The following NCAM2 variants were observed in gnomAD, a reference collection of about 807,000 sequenced individuals.
NCAM2 encodes neural cell adhesion molecule 2, also known as N-CAM-2.
A neutral mutation model predicts 98.1 loss-of-function variants in NCAM2; 30 were observed. The observed-to-expected ratio is 0.31, with a 90% CI of 0.23 to 0.41. The LOEUF is 0.41. Among genes scored for constraint, NCAM2 ranks in the 10% least tolerant of loss-of-function variants. The pLI is 1.00. For missense variants in NCAM2, 867 were observed against 1,005.8 expected (o/e 0.86, Z 1.87); for synonymous variants, 368 against 342.4 (o/e 1.07, Z -0.83).
chr21:21,051,314 T>A, intron 1 of NCAM2, among the ~76,000 whole-genome samples: 1 of 152,190 alleles, frequency 6.6e-6, no homozygotes, highest in East Asian at 1.9e-4. Flanking sequence ...TGACTTCTCC[T>A]TCCCAATTCT....
At chr21:21,051,777 C>A (rs555581370) in intron 1 of NCAM2, among the ~76,000 whole-genome samples, 7 of 152,230 alleles carry the variant, frequency 4.6e-5, no homozygotes, top group Middle Eastern at 3.4e-3. Context: ...GAGTCTCATA[C>A]AATTGTAGGA....
intron 8 of NCAM2, among the ~76,000 whole-genome samples, chr21:21,367,976 C>G (rs1017334677): frequency 6.6e-6 from 1 of 151,904 alleles, no homozygotes; most frequent in East Asian, 1.9e-4. Flanking sequence ...ATTTTGACAA[C>G]TGTCTGTTGG....
chr21:21,168,937 G>A (rs2068038350), intron 1 of NCAM2, among the ~76,000 whole-genome samples: 1 of 152,060 alleles, frequency 6.6e-6, no homozygotes, highest in Non-Finnish European at 1.5e-5. Flanking sequence ...ATCAAGAAAT[G>A]GATAGCTAAA....
At chr21:21,425,356 A>G (rs1472785878) in intron 11 of NCAM2, among the ~76,000 whole-genome samples, 1 of 152,116 alleles carries the variant, frequency 6.6e-6, no homozygotes, top group Non-Finnish European at 1.5e-5. Flanking sequence ...CACTCTTCAA[A>G]ATTTTTTTCT....
At chr21:21,019,214 G>A (rs2146177247) in intron 1 of NCAM2, among the ~76,000 whole-genome samples, 1 of 152,330 alleles carries the variant, frequency 6.6e-6, no homozygotes, top group Admixed American at 6.5e-5. Flanking sequence ...CATGCTCAGT[G>A]AAGCCTCGCT....
chr21:21,306,482 T>A (rs2073883282), intron 5 of NCAM2, among the ~76,000 whole-genome samples: 2 of 152,182 alleles, frequency 1.3e-5, no homozygotes, highest in Admixed American at 1.3e-4. Context: ...GTTAGCAATA[T>A]AGCTACCCCA....
intron 1 of NCAM2, among the ~76,000 whole-genome samples, chr21:21,035,125 G>A (rs908240673): frequency 2.0e-5 from 3 of 152,090 alleles, no homozygotes; most frequent in African/African-American, 7.2e-5. Flanking sequence ...CTTTATAAGG[G>A]AATTGTATAA....
At chr21:21,222,838 G>A (rs2070225266) in intron 1 of NCAM2, among the ~76,000 whole-genome samples, 1 of 152,132 alleles carries the variant, frequency 6.6e-6, no homozygotes, top group Non-Finnish European at 1.5e-5. Flanking sequence ...TCCTACTGTG[G>A]ATAAAATGCT....
intron 10 of NCAM2, among the ~76,000 whole-genome samples, chr21:21,411,145 T>TACACAC (rs1400048739): frequency 0.03 from 2,798 of 94,262 alleles, 759 homozygotes; most frequent in Non-Finnish European, 0.048. Context: ...TGTATATATA[T>TACACAC]ATACATATAT....
At chr21:21,050,889 C>A (rs1389440646) in intron 1 of NCAM2, among the ~76,000 whole-genome samples, 3 of 152,132 alleles carry the variant, frequency 2.0e-5, no homozygotes, top group African/African-American at 7.2e-5. Flanking sequence ...ATTACAATAT[C>A]AAAATGAATT....
chr21:21,322,784 A>G (rs1028225565), intron 5 of NCAM2, among the ~76,000 whole-genome samples: 3 of 152,176 alleles, frequency 2.0e-5, no homozygotes, highest in Non-Finnish European at 2.9e-5. Flanking sequence ...CTCAGAAAAC[A>G]TATGAAATTG....
intron 5 of NCAM2, among the ~76,000 whole-genome samples, chr21:21,309,306 C>A (rs2073975029): frequency 6.6e-6 from 1 of 151,992 alleles, no homozygotes; most frequent in Non-Finnish European, 1.5e-5. Context: ...ATATTTTAGA[C>A]CTTTTTTTTC....
intron 1 of NCAM2, among the ~76,000 whole-genome samples, chr21:21,017,659 GT>G (rs1437388075): frequency 6.6e-6 from 1 of 152,064 alleles, no homozygotes; most frequent in Non-Finnish European, 1.5e-5. Context: ...AAAAGTTAGG[GT>G]AATACAAAAT....
intron 1 of NCAM2, among the ~76,000 whole-genome samples, chr21:21,198,515 G>A (rs1040816294): frequency 6.6e-6 from 1 of 152,090 alleles, no homozygotes; most frequent in African/African-American, 2.4e-5. Flanking sequence ...AAGTTGAATG[G>A]AAACCTGCTA....
chr21:21,135,771 A>G (rs2100205795), intron 1 of NCAM2, among the ~76,000 whole-genome samples: 1 of 152,138 alleles, frequency 6.6e-6, no homozygotes, highest in Non-Finnish European at 1.5e-5. Context: ...AACCTTTTCC[A>G]CTGGGACTCC....
At position 21,142,057 on chromosome 21, in the gene NCAM2, G is replaced by A. The variant is rs189328979; in HGVS notation, c.56-138521G>A. Among the ~76,000 whole-genome samples, 10 of 152,194 alleles carry A rather than the reference G, an allele frequency of 6.6e-5. No individual in the cohort carries two copies. The East Asian group carries it at 7.7e-4, about 12-fold the overall frequency. On this transcript the variant is annotated intron_variant, in intron 1 of 17. Transcript: ENST00000400546. ...GCCTTTAAGGGATTTTTGCATAATC[G>A]GTCATGTTACATCTTGATCTCCTTT...
intron 8 of NCAM2, among the ~76,000 whole-genome samples, chr21:21,341,483 T>C (rs945417283): frequency 2.0e-5 from 3 of 152,164 alleles, no homozygotes; most frequent in Non-Finnish European, 2.9e-5. Flanking sequence ...AGTTGACACC[T>C]GATGGGGGCT....
chr21:21,406,765 A>G (rs2076746259), intron 9 of NCAM2, among the ~76,000 whole-genome samples: 1 of 152,168 alleles, frequency 6.6e-6, no homozygotes, highest in African/African-American at 2.4e-5. Flanking sequence ...CTTTGATAAG[A>G]TTGATGGACA....
intron 6 of NCAM2, among the ~76,000 whole-genome samples, chr21:21,334,931 G>A (rs1382385948): frequency 6.6e-6 from 1 of 151,956 alleles, no homozygotes; most frequent in Non-Finnish European, 1.5e-5. Context: ...CCTCATTAAA[G>A]AATAAAATTA....
Sources: gnomAD v4.1 joint callset for allele counts (sites outside exome capture counted in the v4.1 genomes callset) on GRCh38, gnomAD v4.1.1 for gene constraint, MANE v1.5 for transcripts, NCBI Gene and HGNC (gene_info 2026-07-23, HGNC 2026-07-21) for gene names.